The following SPOCK3 variants were observed in gnomAD, a reference collection of about 807,000 sequenced individuals.
The protein encoded by SPOCK3 is SPARC (osteonectin), cwcv and kazal like domains proteoglycan 3.
SPOCK3 carries 30 observed loss-of-function variants against 56.6 expected under a neutral mutation model. The ratio of observed to expected loss-of-function variants is 0.53; its 90% CI spans 0.40 to 0.72. The LOEUF (loss-of-function observed/expected upper bound fraction) is 0.72. Among genes scored for constraint, SPOCK3 ranks in the 30% least tolerant of loss-of-function variants. SPOCK3 has a pLI of 0.00. For synonymous variants in SPOCK3, 196 were observed against 183.3 expected, an observed-to-expected ratio of 1.07 and a Z score of -0.56; for missense variants, 527 against 530.0, an observed-to-expected ratio of 0.99 and a Z score of 0.06.
At position 166,904,950 on chromosome 4, in the gene SPOCK3, T is replaced by C. The variant is rs545696286; in HGVS notation, c.474+7670A>G. The stretch of plus-strand genomic sequence containing the variant: ...AGTTAAGGTCTTGCTGGGAGTTTTA[T>C]TGCACAGTACAGTGCTGTGGTTAAC... On this transcript the variant is annotated intron_variant, in intron 5 of 10. Coordinates refer to ENST00000357545, the MANE Select transcript of SPOCK3 (RefSeq NM_001040159.2). 2.6e-5 allele frequency among the ~76,000 whole-genome samples: 4 copies of C among 152,138 alleles called. No individual in the cohort carries two copies. The East Asian group carries it at 5.8e-4, about 22-fold the overall frequency.
chr4:167,215,359 T>C (rs1024060245), intron 2 of SPOCK3, among the ~76,000 whole-genome samples: 13 of 152,072 alleles, frequency 8.5e-5, no homozygotes, highest in African/African-American at 3.1e-4. Flanking sequence ...GAAACACGGC[T>C]CTTTCCACTG....
At position 167,126,828 on chromosome 4, in the gene SPOCK3, T is replaced by C. The variant is rs115800348; in HGVS notation, c.190-64291A>G. On this transcript the variant is annotated intron_variant, in intron 2 of 10. Coordinates refer to ENST00000357545, the MANE Select transcript of SPOCK3 (RefSeq NM_001040159.2). Reference sequence around the variant, plus strand: ...TCTGTTCCAGGCATTTCAACCCTACTTCAACTTCCATTTCAGCCTCTGGTT... The same window carrying C: ...TCTGTTCCAGGCATTTCAACCCTACCTCAACTTCCATTTCAGCCTCTGGTT... Among the ~76,000 whole-genome samples, 1,073 of 152,242 alleles carry C rather than the reference T, an allele frequency of 7.0e-3. 16 individuals carry two copies. Among genetic ancestry groups the C allele is most frequent in the African/African-American group, 0.024 (996 of 41,534 alleles).
chr4:167,050,949 A>G (rs1459778150), intron 3 of SPOCK3, among the ~76,000 whole-genome samples: 1 of 152,164 alleles, frequency 6.6e-6, no homozygotes, highest in Non-Finnish European at 1.5e-5. Context: ...TTCATACCCA[A>G]TAAACTGAAG....
chr4:167,075,581 G>C (rs1293499364), intron 2 of SPOCK3, among the ~76,000 whole-genome samples: 1 of 151,918 alleles, frequency 6.6e-6, no homozygotes, highest in Non-Finnish European at 1.5e-5. Context: ...GCTGGGAAAA[G>C]TACACTTAAA....
chr4:167,196,517 C>CT (rs201316331), intron 2 of SPOCK3, among the ~76,000 whole-genome samples: 3,826 of 147,592 alleles, frequency 0.026, 73 homozygotes, highest in Admixed American at 0.069. Flanking sequence ...TTCTTTCTTT[C>CT]TTTTTTTTTT....
chr4:167,227,516 G>A (rs1354613073), intron 2 of SPOCK3, among the ~76,000 whole-genome samples: 3 of 152,020 alleles, frequency 2.0e-5, no homozygotes, highest in Non-Finnish European at 4.4e-5. Context: ...TGCTAGGTGA[G>A]TTGTAGGATC....
At chr4:167,035,836 C>G (rs551137340) in intron 3 of SPOCK3, among the ~76,000 whole-genome samples, 1 of 152,162 alleles carries the variant, frequency 6.6e-6, no homozygotes, top group Non-Finnish European at 1.5e-5. Flanking sequence ...TATGTGCCTA[C>G]TATCAGGAGT....
At chr4:166,801,088 G>A (rs1337973168) in intron 6 of SPOCK3, among the ~76,000 whole-genome samples, 1 of 152,074 alleles carries the variant, frequency 6.6e-6, no homozygotes, top group Non-Finnish European at 1.5e-5. Flanking sequence ...GGAGCAACAG[G>A]CTATACCATA....
At chr4:167,008,051 G>A (rs544792202) in intron 3 of SPOCK3, among the ~76,000 whole-genome samples, 1 of 152,138 alleles carries the variant, frequency 6.6e-6, no homozygotes, top group African/African-American at 2.4e-5. Context: ...CATGCAAATT[G>A]GTAAGGCTAA....
rs568349411 is a variant in SPOCK3 at position 166,920,211 on chromosome 4, T to C, written c.351-7468A>G. ...TGGAAAACCACATTCCAATATTCCA[T>C]AAATTTCTAGACCCGTTGATGTAAT... On this transcript the variant is annotated intron_variant, in intron 4 of 10. Transcript: ENST00000357545. Among the ~76,000 whole-genome samples, 61 of 152,270 alleles carry C rather than the reference T, an allele frequency of 4.0e-4. No homozygotes were observed. The South Asian group carries it at 0.012, about 31-fold the overall frequency.
chr4:166,958,764 T>C (rs570930959), intron 4 of SPOCK3, among the ~76,000 whole-genome samples: 2 of 152,336 alleles, frequency 1.3e-5, no homozygotes, highest in African/African-American at 4.8e-5. Context: ...ATTGTCTGTC[T>C]CCTTCTACTA....
chr4:167,056,349 A>G (rs548972172), intron 3 of SPOCK3, among the ~76,000 whole-genome samples: 40 of 152,316 alleles, frequency 2.6e-4, no homozygotes, highest in Non-Finnish European at 4.7e-4. Context: ...AACAGAGCAG[A>G]AAAACTGGAA....
intron 2 of SPOCK3, among the ~76,000 whole-genome samples, chr4:167,172,076 G>A (rs1178023498): frequency 6.6e-6 from 1 of 152,096 alleles, no homozygotes; most frequent in Non-Finnish European, 1.5e-5. Context: ...TGCTTCTGGC[G>A]AGTCTCTAGG....
intron 4 of SPOCK3, among the ~76,000 whole-genome samples, chr4:166,955,888 A>G (rs1157852109): frequency 2.0e-5 from 3 of 151,736 alleles, no homozygotes; most frequent in Admixed American, 6.6e-5. Context: ...CTTTTCCTGG[A>G]AAGCGTTCAT....
chr4:166,870,369 T>A (rs1008177906), intron 6 of SPOCK3, among the ~76,000 whole-genome samples: 1 of 152,108 alleles, frequency 6.6e-6, no homozygotes, highest in African/African-American at 2.4e-5. Flanking sequence ...CTTGTCAGTC[T>A]AATGGATATT....
At chr4:166,833,754 G>A (rs750386779) in intron 6 of SPOCK3, among the ~76,000 whole-genome samples, 12 of 152,002 alleles carry the variant, frequency 7.9e-5, no homozygotes, top group Non-Finnish European at 1.6e-4. Flanking sequence ...GTCTTGCCTG[G>A]TGCACCTAGA....
chr4:166,908,499 T>G (rs890042342), intron 5 of SPOCK3, among the ~76,000 whole-genome samples: 1 of 140,776 alleles, frequency 7.1e-6, no homozygotes, highest in Non-Finnish European at 1.5e-5. Flanking sequence ...ATAGGTAAGC[T>G]TTATATTTGC....
At chr4:166,768,321 T>C (rs1054638327) in intron 7 of SPOCK3, among the ~76,000 whole-genome samples, 21 of 152,246 alleles carry the variant, frequency 1.4e-4, no homozygotes, top group Non-Finnish European at 2.9e-4. Flanking sequence ...TTGCAGTGGC[T>C]GGTACCGATT....
At chr4:166,824,174 T>C (rs1223902100) in intron 6 of SPOCK3, among the ~76,000 whole-genome samples, 3 of 152,116 alleles carry the variant, frequency 2.0e-5, no homozygotes, top group Non-Finnish European at 4.4e-5. Flanking sequence ...TCTCATCTTA[T>C]GCAACCTGTT....
Sources: allele counts gnomAD v4.1 joint callset (sites outside exome capture counted in the v4.1 genomes callset), GRCh38; gene constraint gnomAD v4.1.1; transcripts MANE v1.5; gene names NCBI Gene and HGNC (gene_info 2026-07-23, HGNC 2026-07-21).